CDKL1: variants seen among roughly 807,000 people sequenced by gnomAD.
The protein encoded by CDKL1 is cyclin-dependent kinase-like 1.
In CDKL1, 41 loss-of-function variants were observed where a neutral mutation model predicts 42.0. The observed-to-expected ratio is 0.98, with a 90% CI of 0.76 to 1.27. The LOEUF (loss-of-function observed/expected upper bound fraction) is 1.27, where lower values mean the gene tolerates loss of function less well. CDKL1 is among the 50% of genes most tolerant of loss of function. The pLI, the probability that CDKL1 is intolerant of heterozygous loss-of-function variation, is 0.00. For synonymous variants in CDKL1, 153 were observed against 158.6 expected (o/e 0.96, Z 0.26); for missense variants, 394 against 428.4 (o/e 0.92, Z 0.71).
intron 2 of CDKL1, chr14:50,378,368 C>T (rs2034795970): frequency 2.2e-6 from 3 of 1,366,228 alleles, no homozygotes; most frequent in South Asian, 1.1e-5. Flanking sequence ...AATGACAAGA[C>T]CTGCCTCATA....
upstream of CDKL1, chr14:50,397,112 G>T (rs1331750087): frequency 1.5e-6 from 2 of 1,362,590 alleles, no homozygotes; most frequent in Non-Finnish European, 2.0e-6. Flanking sequence ...GCAAACTTCC[G>T]CAGGCCGTGC....
intron 7 of CDKL1, 110 bp from the exon 8 acceptor site, chr14:50,334,731 C>T (rs2033159514): frequency 1.4e-6 from 1 of 730,752 alleles, no homozygotes; most frequent in Non-Finnish European, 2.4e-6. Flanking sequence ...TCACGTCCTC[C>T]ACCCTTTGCC....
intron 2 of CDKL1, among the ~76,000 whole-genome samples, chr14:50,360,167 C>G (rs1356819900): frequency 6.6e-6 from 1 of 152,076 alleles, no homozygotes; most frequent in Admixed American, 6.6e-5. Flanking sequence ...GTTGTTTTAT[C>G]GCATTAACTT....
chr14:50,376,755 G>C (rs1194166915), intron 2 of CDKL1, among the ~76,000 whole-genome samples: 1 of 152,096 alleles, frequency 6.6e-6, no homozygotes, highest in Non-Finnish European at 1.5e-5. Flanking sequence ...TGAGCCCTCT[G>C]CTCTGCTGGA....
At chr14:50,331,931 G>A in intron 9 of CDKL1, 1 of 1,100,674 alleles carries the variant, frequency 9.1e-7, no homozygotes, top group Non-Finnish European at 1.3e-6. Context: ...AGAACTGCAT[G>A]GGGAAAATCT....
chr14:50,349,332 G>A (rs901199065), intron 3 of CDKL1, among the ~76,000 whole-genome samples: 4 of 152,154 alleles, frequency 2.6e-5, no homozygotes, highest in Non-Finnish European at 5.9e-5. Context: ...AGCATGTGAG[G>A]GCAAGGTCTC....
chr14:50,350,991 C>T (rs760841936), intron 3 of CDKL1, among the ~76,000 whole-genome samples: 3 of 152,144 alleles, frequency 2.0e-5, no homozygotes, highest in Non-Finnish European at 4.4e-5. Context: ...GGTGTGACCT[C>T]ATGGCATTCT....
At chr14:50,345,885 C>T (rs1350404618) in intron 3 of CDKL1, among the ~76,000 whole-genome samples, 1 of 152,116 alleles carries the variant, frequency 6.6e-6, no homozygotes, top group Non-Finnish European at 1.5e-5. Flanking sequence ...GTAGTTCCAG[C>T]AGGTACTTTG....
intron 4 of CDKL1, chr14:50,342,946 A>G: frequency 7.4e-7 from 1 of 1,357,474 alleles, no homozygotes; most frequent in Non-Finnish European, 9.8e-7. Flanking sequence ...TGTCCCACAC[A>G]CAAGTGCTCT....
chr14:50,386,664 C>A (rs975762263), intron 2 of CDKL1, among the ~76,000 whole-genome samples: 5 of 152,082 alleles, frequency 3.3e-5, no homozygotes, highest in African/African-American at 1.2e-4. Context: ...GGGGGTCATG[C>A]CTGTAAACCC....
intron 7 of CDKL1, chr14:50,334,886 TAAA>T (rs2033168354): frequency 3.5e-6 from 1 of 289,290 alleles, no homozygotes; most frequent in Non-Finnish European, 6.3e-6. Flanking sequence ...AAATTATAAA[TAAA>T]AATACTAATG....
At chr14:50,371,531 G>A (rs2034589346) in intron 2 of CDKL1, among the ~76,000 whole-genome samples, 1 of 152,222 alleles carries the variant, frequency 6.6e-6, no homozygotes, top group African/African-American at 2.4e-5. Flanking sequence ...CCTCTTTTGA[G>A]AGATGTCCAT....
At chr14:50,365,974 A>G (rs150426721) in intron 2 of CDKL1, among the ~76,000 whole-genome samples, 1 of 152,364 alleles carries the variant, frequency 6.6e-6, no homozygotes, top group African/African-American at 2.4e-5. Context: ...AGCCACAGAC[A>G]GAAGGCTACA....
chr14:50,335,701 T>G, intron 7 of CDKL1: 1 of 1,466,218 alleles, frequency 6.8e-7, no homozygotes, highest in South Asian at 1.4e-5. Flanking sequence ...CTGCAGTGCA[T>G]TGTGTGTATA....
At chr14:50,355,197 T>G (rs1432749296) in intron 3 of CDKL1, among the ~76,000 whole-genome samples, 2 of 152,200 alleles carry the variant, frequency 1.3e-5, no homozygotes, top group Non-Finnish European at 2.9e-5. Context: ...ACTAATTATC[T>G]ATTGTTGGAT....
At chr14:50,370,830 G>A (rs533430743) in intron 2 of CDKL1, among the ~76,000 whole-genome samples, 6 of 152,248 alleles carry the variant, frequency 3.9e-5, no homozygotes, top group East Asian at 1.9e-4. Flanking sequence ...TCACTATCAC[G>A]AAGACAACAC....
intron 2 of CDKL1, among the ~76,000 whole-genome samples, chr14:50,383,226 C>T (rs1379249482): frequency 2.0e-5 from 3 of 151,838 alleles, no homozygotes; most frequent in South Asian, 2.1e-4. Context: ...CATGTCTGGC[C>T]GGTTTGGAGT....
intron 3 of CDKL1, chr14:50,358,241 G>T: frequency 1.2e-6 from 1 of 862,882 alleles, no homozygotes; most frequent in Non-Finnish European, 1.5e-6. Flanking sequence ...ACCTATGCTT[G>T]CTTCAGTTGG....
intron 3 of CDKL1, among the ~76,000 whole-genome samples, chr14:50,350,171 A>C (rs1010399216): frequency 6.6e-6 from 1 of 152,166 alleles, no homozygotes; most frequent in African/African-American, 2.4e-5. Flanking sequence ...TTGGCCTCCC[A>C]AAACACTGGG....
Sources: allele counts gnomAD v4.1 joint callset (sites outside exome capture counted in the v4.1 genomes callset), GRCh38; gene constraint gnomAD v4.1.1; transcripts MANE v1.5; gene names NCBI Gene and HGNC (gene_info 2026-07-23, HGNC 2026-07-21).